Variants in TACC1 observed in about 807,000 individuals in gnomAD.
TACC1 encodes transforming acidic coiled-coil containing protein 1, also known as transforming acidic coiled-coil-containing protein 1.
Under a neutral mutation model 84.4 loss-of-function variants are expected in TACC1, and 48 were observed. The observed-to-expected ratio is 0.57, with a 90% CI of 0.45 to 0.72. TACC1 has a LOEUF of 0.72. Among genes scored for constraint, TACC1 ranks in the 30% least tolerant of loss-of-function variants. The probability of loss-of-function intolerance (pLI) is 0.00; values close to 1 mark genes in which losing one functional copy is unlikely to be tolerated. For synonymous variants in TACC1, 372 were observed against 376.3 expected (o/e 0.99, Z 0.13); for missense variants, 920 against 973.0 (o/e 0.95, Z 0.72).
intron 5 of TACC1, chr8:38,827,746 T>C (rs1178192517): frequency 8.1e-6 from 2 of 246,584 alleles, no homozygotes; most frequent in Non-Finnish European, 1.6e-5. Context: ...GTTTATTTGG[T>C]TCATGGTTCT....
At chr8:38,747,455 G>T (rs1808282659) in intron 3 of TACC1, among the ~76,000 whole-genome samples, 1 of 152,212 alleles carries the variant, frequency 6.6e-6, no homozygotes, top group Admixed American at 6.5e-5. Flanking sequence ...AAGCAATCAA[G>T]ATGTCCTTCA....
At chr8:38,804,057 A>AT (rs1413020499) in intron 2 of TACC1, among the ~76,000 whole-genome samples, 2 of 152,014 alleles carry the variant, frequency 1.3e-5, no homozygotes, top group Non-Finnish European at 2.9e-5. Context: ...TACTTATAGT[A>AT]TTTTTTCTTA....
At chr8:38,754,590 G>T (rs1809656969) in intron 3 of TACC1, among the ~76,000 whole-genome samples, 3 of 152,182 alleles carry the variant, frequency 2.0e-5, no homozygotes, top group Admixed American at 2.0e-4. Context: ...TATCTCAGGA[G>T]TTCAAGGCTG....
intron 2 of TACC1, among the ~76,000 whole-genome samples, chr8:38,790,042 A>C (rs762003079): frequency 3.2e-4 from 49 of 152,364 alleles, no homozygotes; most frequent in African/African-American, 8.2e-4. Context: ...TGGATAATTG[A>C]AATCAGAACC....
chr8:38,756,062 C>A (rs759519968), intron 3 of TACC1, among the ~76,000 whole-genome samples: 5 of 151,904 alleles, frequency 3.3e-5, no homozygotes, highest in African/African-American at 7.3e-5. Flanking sequence ...TAATCCACCC[C>A]CTAGGCCTCC....
At chr8:38,739,125 G>A (rs1317767250) in intron 1 of TACC1, among the ~76,000 whole-genome samples, 7 of 152,106 alleles carry the variant, frequency 4.6e-5, no homozygotes, top group African/African-American at 7.2e-5. Context: ...TCCTGACCTC[G>A]TGATCTGCCT....
In TACC1 at chr8:38,846,739, G is replaced by A; in HGVS notation, c.2269G>A (p.Ala757Thr). 1 of 1,614,166 alleles carries A rather than the reference G, an allele frequency of 6.2e-7. No homozygotes were observed. The highest frequency in any genetic ancestry group is 8.5e-7 in the Non-Finnish European group (1 of 1,180,020). ...TGCTCAGGTTCGAACAAAAGCAAAGGCTGAGAGTGCAGCTCTCCATGCTGG... is the reference window on the plus strand; with the variant it reads ...TGCTCAGGTTCGAACAAAAGCAAAGACTGAGAGTGCAGCTCTCCATGCTGG... The part of the protein sequence containing the change: ...EIAQVRTKAK[A>T]ESAALHAGLR... The change falls in exon 12 of 13, where the codon GCT becomes ACT. Residue 757 changes from alanine (A) to threonine (T), a missense_variant. Physicochemically the swap from Ala to Thr is moderately conservative, Grantham distance 58. Transcript: ENST00000317827.
At chr8:38,833,524 G>A (rs1165736175) in intron 6 of TACC1, among the ~76,000 whole-genome samples, 1 of 152,178 alleles carries the variant, frequency 6.6e-6, no homozygotes, top group African/African-American at 2.4e-5. Context: ...AGAGTGGCTG[G>A]GGAGAGTCGG....
Position 38,841,156 on chromosome 8 carries a change from C to T in TACC1, c.1960+889C>T, listed in dbSNP as rs117177906. Among the ~76,000 whole-genome samples the T allele has an allele frequency of 6.1e-3, 931 of 152,304 alleles. 7 individuals carry two copies. The highest frequency in any genetic ancestry group is 8.3e-3 in the Non-Finnish European group (565 of 68,022). ...TTGATCAGTATATAACCTTGTTTTA[C>T]GTGTGTTCCTGTTTAAAGACACCTT... On this transcript the variant is annotated intron_variant, in intron 9 of 12. Coordinates refer to ENST00000317827, the MANE Select transcript of TACC1 (RefSeq NM_006283.3).
intron 3 of TACC1, among the ~76,000 whole-genome samples, chr8:38,771,850 C>T (rs941330267): frequency 3.9e-5 from 6 of 152,224 alleles, no homozygotes; most frequent in Non-Finnish European, 1.5e-5. Flanking sequence ...ATCCTCCCAA[C>T]TCAGCCTCCC....
chr8:38,780,993 C>T (rs1266531618), intron 3 of TACC1, among the ~76,000 whole-genome samples: 2 of 152,152 alleles, frequency 1.3e-5, no homozygotes, highest in Admixed American at 1.3e-4. Flanking sequence ...CCCCAAATCC[C>T]TAGACTAAGG....
At chr8:38,794,540 C>T (rs1819517617) in intron 2 of TACC1, among the ~76,000 whole-genome samples, 1 of 147,238 alleles carries the variant, frequency 6.8e-6, no homozygotes, top group African/African-American at 2.6e-5. Flanking sequence ...ATGTTTTAGA[C>T]TGCACGTGTG....
chr8:38,822,245 TAAA>T (rs139176772), intron 3 of TACC1, among the ~76,000 whole-genome samples: 7 of 119,018 alleles, frequency 5.9e-5, no homozygotes, highest in African/African-American at 1.9e-4. Context: ...ACCCTGTCTT[TAAA>T]AAAAAAAAAA....
chr8:38,836,337 C>T (rs896960268), intron 7 of TACC1, 50 bp downstream of exon 7: 1 of 1,586,152 alleles, frequency 6.3e-7, no homozygotes, highest in Non-Finnish European at 8.5e-7. Flanking sequence ...CTTTGTAAGG[C>T]CCATGTACCA....
chr8:38,820,249 A>C lies in TACC1; in HGVS notation c.1005A>C (p.Lys335Asn). The change falls in exon 3 of 13, where the codon AAA becomes AAC. Residue 335 changes from lysine to asparagine, a missense_variant. Lys to Asn is a moderately conservative substitution (Grantham distance 94). Coordinates refer to ENST00000317827, the MANE Select transcript of TACC1 (RefSeq NM_006283.3). ...ATACAGGAAACATAGAGGCCAGGAAAGCCCTTCCAAGGAAGCTTGGCAGGA... is the reference window on the plus strand; with the variant it reads ...ATACAGGAAACATAGAGGCCAGGAACGCCCTTCCAAGGAAGCTTGGCAGGA... The part of the protein sequence containing the change: ...TEDTGNIEAR[K>N]ALPRKLGRKL... The C allele has an allele frequency of 6.2e-7, 1 of 1,614,168 alleles. No homozygotes were observed. The highest frequency in any genetic ancestry group is 8.5e-7 in the Non-Finnish European group (1 of 1,180,014).
chr8:38,777,038 C>G (rs2151921993), intron 3 of TACC1, among the ~76,000 whole-genome samples: 1 of 152,098 alleles, frequency 6.6e-6, no homozygotes, highest in South Asian at 2.1e-4. Flanking sequence ...GGCGGACCAC[C>G]TGAGGTCAGG....
chr8:38,766,994 C>T (rs1263470989), intron 3 of TACC1, among the ~76,000 whole-genome samples: 1 of 152,208 alleles, frequency 6.6e-6, no homozygotes, highest in Non-Finnish European at 1.5e-5. Context: ...CATCGCCCAG[C>T]CCATTCTGTA....
chr8:38,787,351 GC>G lies in TACC1; in HGVS notation c.-229del, dbSNP rs1817470950. 2 of 1,306,722 alleles carry G rather than the reference GC, an allele frequency of 1.5e-6. No homozygotes were observed. Among genetic ancestry groups the G allele is most frequent in the Non-Finnish European group, 1.9e-6 (2 of 1,031,512 alleles). 80.9% of individuals were successfully genotyped at this position (1,306,722 alleles called of 1,614,324 possible). On this transcript the variant is annotated 5_prime_UTR_variant, in exon 1 of 13. Coordinates refer to ENST00000317827, the MANE Select transcript of TACC1 (RefSeq NM_006283.3). ...CCCGGCTAGTGGAGCCCGGCGCGGG[GC>G]CCGCTGCGGCCGCACCGTGAGGGGA...
chr8:38,851,890 TTTAA>T lies in TACC1; in HGVS notation c.*3869_*3872del, dbSNP rs1564050692. ...CTAAGAAGTCATCTCCTTCAAATACTTTAATAAAGAAGTATTTCGAGGAGATATC... is the reference window on the plus strand; with the variant it reads ...CTAAGAAGTCATCTCCTTCAAATACTTAAAGAAGTATTTCGAGGAGATATC... On this transcript the variant is annotated 3_prime_UTR_variant, in exon 13 of 13. Transcript: ENST00000317827. 2.2e-6 allele frequency: 1 copy of T among 455,920 alleles called. No homozygotes were observed. The highest frequency in any genetic ancestry group is 2.3e-5 in the Admixed American group (1 of 42,558). The allele number at this position is 455,920 out of a possible 1,614,324, so 28.2% of individuals were successfully genotyped here.
Sources: allele counts gnomAD v4.1 joint callset (sites outside exome capture counted in the v4.1 genomes callset), GRCh38; gene constraint gnomAD v4.1.1; transcripts MANE v1.5; gene names NCBI Gene and HGNC (gene_info 2026-07-23, HGNC 2026-07-21).